The following REG1A variants were observed in gnomAD, a reference collection of about 807,000 sequenced individuals.
REG1A encodes regenerating family member 1 alpha.
REG1A carries 20 observed loss-of-function variants against 20.7 expected under a neutral mutation model. The observed-to-expected ratio is 0.97, with a 90% confidence interval of 0.68 to 1.41. The LOEUF is 1.41. Among genes scored for constraint, REG1A ranks in the 40% most tolerant of loss-of-function variants. The probability of loss-of-function intolerance (pLI) is 0.00; values close to 1 mark genes in which losing one functional copy is unlikely to be tolerated. For missense variants in REG1A, 193 were observed against 201.8 expected, an observed-to-expected ratio of 0.96 and a Z score of 0.26; for synonymous variants, 90 against 71.6, an observed-to-expected ratio of 1.26 and a Z score of -1.30.
chr2:79,120,881 A>G lies in REG1A; in HGVS notation c.20A>G (p.Tyr7Cys), dbSNP rs746154522. The part of the protein sequence containing the change: MAQTSS[Y>C]FMLISCLMFL... ...CTCAGCATGGCTCAGACCAGCTCAT[A>G]CTTCATGCTGATCTCCTGCCTGATG... The change falls in exon 2 of 6, where the codon TAC (tyrosine) becomes TGC (cysteine). Residue 7 changes from tyrosine (Y) to cysteine (C), a missense_variant. Physicochemically the swap from Tyr to Cys is radical, Grantham distance 194 (BLOSUM62 -2). Coordinates refer to ENST00000233735, the MANE Select transcript of REG1A (RefSeq NM_002909.5). 3.1e-6 allele frequency: 5 copies of G among 1,613,316 alleles called. No homozygotes were observed. The East Asian group carries it at 8.9e-5, about 29-fold the overall frequency.
chr2:79,122,481 G>A (rs1672902186), intron 4 of REG1A, among the ~76,000 whole-genome samples: 1 of 152,104 alleles, frequency 6.6e-6, no homozygotes, highest in African/African-American at 2.4e-5. Flanking sequence ...CTGTACTGCT[G>A]GCATTTGGGA....
In REG1A at chr2:79,121,628, G is replaced by A. The variant is rs777579151; in HGVS notation, c.131G>A (p.Arg44His). 8.7e-6 allele frequency: 14 copies of A among 1,613,884 alleles called. No individual in the cohort carries two copies. The highest frequency in any genetic ancestry group is 4.0e-5 in the African/African-American group (3 of 74,876). Reference sequence around the variant, plus strand: ...TGCCCAGAAGGCACCAATGCCTATCGCTCCTACTGCTACTACTTTAATGAA... The same window carrying A: ...TGCCCAGAAGGCACCAATGCCTATCACTCCTACTGCTACTACTTTAATGAA... ...ISCPEGTNAY[R>H]SYCYYFNEDR... Residue 44 changes from arginine (R) to histidine (H), a missense_variant, in exon 3 of 6, where the codon CGC (arginine) becomes CAC (histidine). Transcript: ENST00000233735.
chr2:79,122,561 G>A (rs1438288468), intron 4 of REG1A, among the ~76,000 whole-genome samples: 1 of 151,954 alleles, frequency 6.6e-6, no homozygotes, highest in Non-Finnish European at 1.5e-5. Context: ...CTGGATATGA[G>A]GGTCCTGGGC....
At chr2:79,120,580 A>C (rs1234915378) in intron 1 of REG1A, 66 bp downstream of exon 1, 1 of 348,262 alleles carries the variant, frequency 2.9e-6, no homozygotes, top group East Asian at 4.3e-5. Flanking sequence ...CTTCGGGAAG[A>C]TACAGCATGA....
rs1042607489 is a variant in REG1A at position 79,122,718 on chromosome 2, C to A, written c.322-123C>A. On this transcript the variant is annotated intron_variant, in intron 4 of 5. Coordinates refer to ENST00000233735, the MANE Select transcript of REG1A (RefSeq NM_002909.5). ...TAGAGCAATAGCAAAGGAAAGGAAA[C>A]AATATTTAGCAAGGTTTATTCTTCC... 4 of 717,172 alleles carry A rather than the reference C, an allele frequency of 5.6e-6. No individual in the cohort carries two copies. The African/African-American group carries it at 7.1e-5, about 13-fold the overall frequency. The allele number at this position is 717,172 out of a possible 1,614,324, so 44.4% of individuals were successfully genotyped here.
Position 79,123,217 on chromosome 2 carries a change from G to C in REG1A, c.*2G>C, listed in dbSNP as rs781329451. 1 of 1,601,950 alleles carries C rather than the reference G, an allele frequency of 6.2e-7. No individual in the cohort carries two copies. Among genetic ancestry groups the C allele is most frequent in the Non-Finnish European group, 8.6e-7 (1 of 1,169,522 alleles). On this transcript the variant is annotated 3_prime_UTR_variant, in exon 6 of 6. Transcript: ENST00000233735. ...TTTGTCTGCAAGTTCAAAAACTAGA[G>C]GCAACTGGAAAATACATGTCTAGAA...
At chr2:79,121,938 T>G (rs747434856) in intron 3 of REG1A, 50 bp from the exon 4 acceptor site, 1 of 1,605,726 alleles carries the variant, frequency 6.2e-7, no homozygotes, top group African/African-American at 1.3e-5. Flanking sequence ...ACTCAGTATA[T>G]CCGTCACAAC....
At chr2:79,121,378 T>G (rs1191223306) in intron 2 of REG1A, among the ~76,000 whole-genome samples, 184 bp from the exon 3 acceptor site, 2 of 151,944 alleles carry the variant, frequency 1.3e-5, no homozygotes, top group African/African-American at 4.8e-5. Flanking sequence ...ATTCATTCTG[T>G]TTTTTTTCCC....
intron 2 of REG1A, among the ~76,000 whole-genome samples, chr2:79,121,353 T>A (rs1672883356): frequency 1.3e-5 from 2 of 152,212 alleles, no homozygotes; most frequent in Admixed American, 1.3e-4. Flanking sequence ...AACTGGAGAC[T>A]TGTTTCTTTG....
Position 79,121,583 on chromosome 2 carries a change from T to A in REG1A, c.86T>A (p.Leu29Ter). 1 of 1,614,106 alleles carries A rather than the reference T, an allele frequency of 6.2e-7. No homozygotes were observed. The highest frequency in any genetic ancestry group is 1.3e-5 in the African/African-American group (1 of 75,040). ...TCAGGCCAAGAGGCCCAGACAGAGT[T>A]GCCCCAGGCCCGGATCAGCTGCCCA... ...QSQGQEAQTELPQARISCPEG... is the reference protein window; with the variant it reads ...QSQGQEAQTE Residue 29 changes from leucine (L) to a stop codon, truncating the protein, a stop_gained, in exon 3 of 6, where the codon TTG (leucine) becomes TAG (stop). Transcript: ENST00000233735. LOFTEE classifies it high-confidence loss of function.
rs559830409 is a variant in REG1A, at chr2:79,122,290, A to C, written c.321+165A>C. On this transcript the variant is annotated intron_variant, in intron 4 of 5. Coordinates refer to ENST00000233735, the MANE Select transcript of REG1A (RefSeq NM_002909.5). ...CAAGGTGCACTGTAGATGATTGGAGATATAAGTGGAAGGCTGAATTTCCTA... is the reference window on the plus strand; with the variant it reads ...CAAGGTGCACTGTAGATGATTGGAGCTATAAGTGGAAGGCTGAATTTCCTA... 4.3e-5 allele frequency: 28 copies of C among 656,642 alleles called. No individual in the cohort carries two copies. In the African/African-American group the frequency reaches 4.8e-4, roughly 11 times the overall value. 40.7% of individuals were successfully genotyped at this position (656,642 alleles called of 1,614,324 possible). A position where few individuals can be genotyped will look rare whatever the true frequency, so the allele number is the denominator to read the frequency against.
chr2:79,122,273 A>G (rs918934546), intron 4 of REG1A, 148 bp downstream of exon 4: 3 of 755,990 alleles, frequency 4.0e-6, no homozygotes, highest in Non-Finnish European at 6.3e-6. Flanking sequence ...AGCAAGGTGC[A>G]CTGTAGATGA....
chr2:79,122,905 C>A lies in REG1A; in HGVS notation c.386C>A (p.Pro129Gln). 6.2e-7 allele frequency: 1 copy of A among 1,614,036 alleles called. No homozygotes were observed. The highest frequency in any genetic ancestry group is 8.5e-7 in the Non-Finnish European group (1 of 1,180,008). The change falls in exon 5 of 6, where the codon CCA becomes CAA. Residue 129 changes from proline to glutamine, a missense_variant. Coordinates refer to ENST00000233735, the MANE Select transcript of REG1A (RefSeq NM_002909.5). ...VSYKSWGIGA[P>Q]SSVNPGYCVS... ...TACAAGTCCTGGGGCATTGGAGCCC[C>A]AAGCAGTGTTAATCCTGGCTACTGT...
chr2:79,121,139 A>G (rs1672880429), intron 2 of REG1A, among the ~76,000 whole-genome samples: 2 of 152,288 alleles, frequency 1.3e-5, no homozygotes, highest in East Asian at 1.9e-4. Flanking sequence ...ATGACCCCTT[A>G]TAAGCAACTG....
intron 1 of REG1A, 40 bp downstream of exon 1, chr2:79,120,554 A>C (rs930544533): frequency 3.4e-6 from 1 of 294,436 alleles, no homozygotes; most frequent in Non-Finnish European, 6.2e-6. Context: ...TCTAACATGC[A>C]CTGTAGATCT....
intron 2 of REG1A, among the ~76,000 whole-genome samples, 168 bp from the exon 3 acceptor site, chr2:79,121,394 C>G (rs138285039): frequency 6.6e-6 from 1 of 152,168 alleles, no homozygotes; most frequent in East Asian, 1.9e-4. Flanking sequence ...TTCCCCTGAT[C>G]AAAGAAACCA....
At position 79,121,991 on chromosome 2, in the gene REG1A, T is replaced by C. The variant is rs773188534; in HGVS notation, c.187T>C (p.Tyr63His). 1 of 1,613,822 alleles carries C rather than the reference T, an allele frequency of 6.2e-7. No homozygotes were observed. Among genetic ancestry groups the C allele is most frequent in the Non-Finnish European group, 8.5e-7 (1 of 1,179,944 alleles). ...GCTCCATTTTCTTCTGCAACAGCTC[T>C]ATTGCCAGAACATGAATTCGGGCAA... ...DRETWVDADL[Y>H]CQNMNSGNLV... The change falls in exon 4 of 6, where the codon TAT (tyrosine) becomes CAT (histidine). Residue 63 changes from tyrosine (Y) to histidine (H), a missense_variant. Tyr to His is a moderately conservative substitution (Grantham distance 83, BLOSUM62 2). Coordinates refer to ENST00000233735, the MANE Select transcript of REG1A (RefSeq NM_002909.5).
At position 79,120,894 on chromosome 2, in the gene REG1A, C is replaced by A; in HGVS notation, c.33C>A (p.Ile11=). The A allele has an allele frequency of 6.2e-7, 1 of 1,613,424 alleles. No homozygotes were observed. The highest frequency in any genetic ancestry group is 1.1e-5 in the South Asian group (1 of 91,008). The stretch of plus-strand genomic sequence containing the variant: ...AGACCAGCTCATACTTCATGCTGAT[C>A]TCCTGCCTGATGTTTCTGTCTCAGA... The part of the protein sequence containing the change: MAQTSSYFML[I]SCLMFLSQSQ... The change falls in exon 2 of 6, where the codon ATC becomes ATA. Residue 11 remains isoleucine, a synonymous_variant. Coordinates refer to ENST00000233735, the MANE Select transcript of REG1A (RefSeq NM_002909.5).
In REG1A at chr2:79,122,104, T is replaced by A. The variant is rs1300489658; in HGVS notation, c.300T>A (p.Ile100=). 2.5e-6 allele frequency: 4 copies of A among 1,614,076 alleles called. No homozygotes were observed. The African/African-American group carries it at 4.0e-5, about 16-fold the overall frequency. The part of the protein sequence containing the change: ...ESGTDDFNVW[I]GLHDPKKNRR... ...GCACTGATGACTTCAATGTCTGGAT[T>A]GGCCTCCATGACCCCAAAAAGGTAG... is the stretch of plus-strand genomic sequence containing the variant. The change falls in exon 4 of 6, where the codon ATT becomes ATA. Residue 100 remains isoleucine, a synonymous_variant. Coordinates refer to ENST00000233735, the MANE Select transcript of REG1A (RefSeq NM_002909.5).
Sources: allele counts gnomAD v4.1 joint callset (sites outside exome capture counted in the v4.1 genomes callset), GRCh38; gene constraint gnomAD v4.1.1; transcripts MANE v1.5; gene names NCBI Gene and HGNC (gene_info 2026-07-23, HGNC 2026-07-21).